BCR: variants seen among roughly 807,000 people sequenced by gnomAD.
BCR encodes the protein BCR activator of RhoGEF and GTPase.
In BCR, 58 loss-of-function variants were observed where a neutral mutation model predicts 138.6. That is an observed-to-expected ratio of 0.42 (90% CI 0.34 to 0.52). The LOEUF is 0.52. BCR is among the 20% of genes least tolerant of loss of function. BCR has a pLI of 0.06. For synonymous variants in BCR, 786 were observed against 730.1 expected (o/e 1.08, Z -1.23); for missense variants, 1,599 against 1,727.2 (o/e 0.93, Z 1.32).
At chr22:23,310,093 G>A (rs914083244) in intron 17 of BCR, 31 of 505,008 alleles carry the variant, frequency 6.1e-5, no homozygotes, top group African/African-American at 3.3e-4. Flanking sequence ...GAGAAGCAGC[G>A]GGGATTTTAG....
At chr22:23,185,607 A>C (rs1229837773) in intron 1 of BCR, among the ~76,000 whole-genome samples, 1 of 151,268 alleles carries the variant, frequency 6.6e-6, no homozygotes, top group Non-Finnish European at 1.5e-5. Flanking sequence ...CGGAGCTTGC[A>C]GTGAGCCGAG....
chr22:23,252,433 T>TTTTC (rs1555879563), intron 1 of BCR, among the ~76,000 whole-genome samples: 2 of 127,180 alleles, frequency 1.6e-5, no homozygotes, highest in African/African-American at 5.8e-5. Context: ...TTTTCTTTTC[T>TTTTC]TTTTTTTTTT....
intron 1 of BCR, among the ~76,000 whole-genome samples, chr22:23,206,502 A>G (rs150825670): frequency 0.024 from 3,599 of 151,582 alleles, 157 homozygotes; most frequent in African/African-American, 0.083. Context: ...GCATGAACCC[A>G]GGAGGCGGAG....
At position 23,213,825 on chromosome 22, in the gene BCR, C is replaced by T. The variant is rs545909523; in HGVS notation, c.1279+31586C>T. Among the ~76,000 whole-genome samples the T allele has an allele frequency of 4.7e-5, 7 of 149,552 alleles. 1 individual carries two copies. The highest frequency in any genetic ancestry group is 1.9e-4 in the East Asian group (1 of 5,150). ...TTCAGCCTGGGCAACAGAGCAAGAC[C>T]CCTGTCTCTTAAAAAAAAAAAAAAA... On this transcript the variant is annotated intron_variant, in intron 1 of 22. Transcript: ENST00000305877.
In BCR at chr22:23,285,062, A is replaced by G. The variant is rs182714218; in HGVS notation, c.2267A>G (p.Tyr756Cys). 1 of 1,614,090 alleles carries G rather than the reference A, an allele frequency of 6.2e-7. No homozygotes were observed. The highest frequency in any genetic ancestry group is 1.7e-5 in the Admixed American group (1 of 60,028). The change falls in exon 10 of 23, where the codon TAC (tyrosine) becomes TGC (cysteine). Residue 756 changes from tyrosine (Y) to cysteine (C), a missense_variant. Around this residue, in one of 4 missense-constraint regions of BCR, gnomAD observed 590 missense variants for 762.4 expected, o/e 0.77. Coordinates refer to ENST00000305877, the MANE Select transcript of BCR (RefSeq NM_004327.4). ...ACGCAGCAGTATGACTGCAAATGGT[A>G]CATTCCGCTCACGGATCTCAGCTTC... ...GKTQQYDCKWYIPLTDLSFQM... is the reference protein window; with the variant it reads ...GKTQQYDCKWCIPLTDLSFQM...
intron 1 of BCR, chr22:23,198,305 C>T (rs2072506731): frequency 4.5e-6 from 2 of 439,888 alleles, no homozygotes; most frequent in South Asian, 3.3e-5. Context: ...GGCAGGGCCA[C>T]ATCTTTGTCC....
chr22:23,189,569 C>T (rs923624352), intron 1 of BCR, among the ~76,000 whole-genome samples: 17 of 152,088 alleles, frequency 1.1e-4, no homozygotes, highest in Non-Finnish European at 2.1e-4. Context: ...GGCACGATCT[C>T]GGCTCACTGC....
At chr22:23,240,302 CGT>C (rs200491524) in intron 1 of BCR, among the ~76,000 whole-genome samples, 17,829 of 143,862 alleles carry the variant, frequency 0.12, 1,289 homozygotes, top group East Asian at 0.41. Context: ...CCTGGCTGAT[CGT>C]GTGTGTGTGT....
chr22:23,202,745 GTGTATATATATA>G (rs981198501), intron 1 of BCR, among the ~76,000 whole-genome samples: 2 of 147,524 alleles, frequency 1.4e-5, no homozygotes, highest in African/African-American at 5.3e-5. Context: ...GTGTGTGTGT[GTGTATATATATA>G]TATATTTAAT....
intron 4 of BCR, among the ~76,000 whole-genome samples, chr22:23,266,863 A>T: frequency 6.6e-6 from 1 of 152,224 alleles, no homozygotes; most frequent in East Asian, 1.9e-4. Context: ...AGAACTTTGC[A>T]CAAGCCACCT....
At chr22:23,189,478 C>G (rs886331854) in intron 1 of BCR, among the ~76,000 whole-genome samples, 6 of 152,048 alleles carry the variant, frequency 3.9e-5, no homozygotes, top group African/African-American at 1.4e-4. Flanking sequence ...CAGGGCGACA[C>G]TCTCAGTCTT....
At chr22:23,298,832 C>T (rs1159735055) in intron 16 of BCR, among the ~76,000 whole-genome samples, 3 of 152,130 alleles carry the variant, frequency 2.0e-5, no homozygotes, top group Admixed American at 2.0e-4. Context: ...TCCTGACCTC[C>T]AGTGGTCCAC....
intron 19 of BCR, chr22:23,312,254 C>A: frequency 5.1e-6 from 1 of 197,146 alleles, no homozygotes. Flanking sequence ...CTATGAAGGA[C>A]CTGGAACTGT....
Position 23,273,153 on chromosome 22 carries a change from T to C in BCR, c.1974+20T>C. ...CTCCATGTAAGTCACAGCGCCCCTC[T>C]GGACCGGGACCAAAACTGCCCCCTC... On this transcript the variant is annotated intron_variant, in intron 7 of 22. Coordinates refer to ENST00000305877, the MANE Select transcript of BCR (RefSeq NM_004327.4). 2 of 1,611,756 alleles carry C rather than the reference T, an allele frequency of 1.2e-6. No individual in the cohort carries two copies. Among genetic ancestry groups the C allele is most frequent in the Non-Finnish European group, 1.7e-6 (2 of 1,178,712 alleles).
chr22:23,292,550 G>A lies in BCR; in HGVS notation c.2792G>A (p.Cys931Tyr), dbSNP rs772180538. The A allele has an allele frequency of 1.2e-6, 2 of 1,612,850 alleles. No homozygotes were observed. Among genetic ancestry groups the A allele is most frequent in the Non-Finnish European group, 1.7e-6 (2 of 1,179,150 alleles). The part of the protein sequence containing the change: ...TGFKQSSNLY[C>Y]TLEVDSFGYF... The stretch of plus-strand genomic sequence containing the variant: ...CCACTTCTCCCCACAGATCTGTACT[G>A]CACCCTGGAGGTGGATTCCTTTGGG... The change falls in exon 15 of 23, where the codon TGC becomes TAC. Residue 931 changes from cysteine to tyrosine, a missense_variant. Physicochemically the swap from Cys to Tyr is radical, Grantham distance 194. Around this residue, in one of 4 missense-constraint regions of BCR, gnomAD observed 590 missense variants for 762.4 expected, o/e 0.77. Coordinates refer to ENST00000305877, the MANE Select transcript of BCR (RefSeq NM_004327.4).
intron 4 of BCR, chr22:23,263,879 G>A: frequency 1.0e-6 from 1 of 952,770 alleles, no homozygotes; most frequent in Non-Finnish European, 1.7e-6. Flanking sequence ...TTGCTATCAG[G>A]CCATTACTCA....
At chr22:23,281,601 A>G (rs2073646032) in intron 8 of BCR, among the ~76,000 whole-genome samples, 1 of 147,716 alleles carries the variant, frequency 6.8e-6, no homozygotes, top group South Asian at 2.1e-4. Context: ...GGGACTGCAG[A>G]GCGGGGCCTG....
At chr22:23,245,340 C>T (rs768044664) in intron 1 of BCR, among the ~76,000 whole-genome samples, 1 of 152,120 alleles carries the variant, frequency 6.6e-6, no homozygotes, top group Non-Finnish European at 1.5e-5. Context: ...CTGTGGCATA[C>T]GCTGATTCAT....
chr22:23,182,176 G>A lies in BCR; in HGVS notation c.1216G>A (p.Gly406Ser). 6.2e-7 allele frequency: 1 copy of A among 1,603,910 alleles called. No individual in the cohort carries two copies. Among genetic ancestry groups the A allele is most frequent in the Non-Finnish European group, 8.5e-7 (1 of 1,178,906 alleles). ...TGTCGTGTCCGAGGCCACCATCGTGGGCGTCCGCAAGACCGGGCAGATCTG... is the reference window on the plus strand; with the variant it reads ...TGTCGTGTCCGAGGCCACCATCGTGAGCGTCCGCAAGACCGGGCAGATCTG... ...PVVVSEATIV[G>S]VRKTGQIWPN... The change falls in exon 1 of 23, where the codon GGC becomes AGC. Residue 406 changes from glycine to serine, a missense_variant. This residue lies in a region of BCR where 806 missense variants were observed against 635.0 expected (regional missense o/e 1.27). Transcript: ENST00000305877.
Sources: allele counts gnomAD v4.1 joint callset (sites outside exome capture counted in the v4.1 genomes callset), GRCh38; gene constraint gnomAD v4.1.1; regional missense constraint gnomAD v4.1.1; transcripts MANE v1.5; gene names NCBI Gene and HGNC (gene_info 2026-07-23, HGNC 2026-07-21).